PRKCI: variants seen among roughly 807,000 people sequenced by gnomAD.
The protein encoded by PRKCI is protein kinase C iota type.
PRKCI carries 43 observed loss-of-function variants against 84.0 expected under a neutral mutation model. That is an observed-to-expected ratio of 0.51 (90% CI 0.40 to 0.66). PRKCI has a LOEUF of 0.66. PRKCI is among the 30% of genes least tolerant of loss of function. The probability of loss-of-function intolerance (pLI) is 0.00; values close to 1 mark genes in which losing one functional copy is unlikely to be tolerated. For missense variants in PRKCI, 459 were observed against 745.6 expected (o/e 0.62, Z 4.48); for synonymous variants, 216 against 234.4 (o/e 0.92, Z 0.72).
At chr3:170,288,298 C>T (rs1336893490) in intron 12 of PRKCI, among the ~76,000 whole-genome samples, 1 of 151,754 alleles carries the variant, frequency 6.6e-6, no homozygotes, top group Non-Finnish European at 1.5e-5. Flanking sequence ...TTTTGTTACT[C>T]TTACTGGAAA....
At chr3:170,299,781 G>A (rs891786575) in intron 17 of PRKCI, among the ~76,000 whole-genome samples, 1 of 152,158 alleles carries the variant, frequency 6.6e-6, no homozygotes, top group Non-Finnish European at 1.5e-5. Context: ...ACTAAGGCCT[G>A]TGCTCTTTCT....
At chr3:170,268,268 G>A (rs1038996991) in intron 5 of PRKCI, among the ~76,000 whole-genome samples, 22 of 149,442 alleles carry the variant, frequency 1.5e-4, no homozygotes, top group African/African-American at 5.4e-4. Flanking sequence ...ATCAGTTGAG[G>A]CCAGGAGTTC....
At chr3:170,235,084 C>T (rs1732935129) in intron 1 of PRKCI, 146 bp from the exon 2 acceptor site, 8 of 863,074 alleles carry the variant, frequency 9.3e-6, no homozygotes, top group Non-Finnish European at 1.2e-5. Context: ...TTAATTTTTA[C>T]TTGAATGAAA....
intron 11 of PRKCI, 151 bp downstream of exon 11, chr3:170,282,119 A>C (rs1734263063): frequency 1.4e-6 from 1 of 715,900 alleles, no homozygotes; most frequent in Non-Finnish European, 2.2e-6. Flanking sequence ...GTTAATTTAC[A>C]TTATATATAT....
chr3:170,300,184 G>T (rs1734787999), intron 17 of PRKCI, among the ~76,000 whole-genome samples: 1 of 152,092 alleles, frequency 6.6e-6, no homozygotes, highest in South Asian at 2.1e-4. Flanking sequence ...GAAGCCTTCA[G>T]TTCTACTCCT....
At chr3:170,278,298 C>T (rs1734167219) in intron 8 of PRKCI, among the ~76,000 whole-genome samples, 2 of 152,202 alleles carry the variant, frequency 1.3e-5, no homozygotes. Context: ...TTAACCTTCT[C>T]AAACCTGGTT....
rs141965722 is a variant in PRKCI at position 170,270,544 on chromosome 3, C to T, written c.574C>T (p.Arg192Trp). The T allele has an allele frequency of 3.5e-5, 56 of 1,597,164 alleles. No individual in the cohort carries two copies. The highest frequency in any genetic ancestry group is 1.4e-5 in the African/African-American group (1 of 71,796). ...CHKLVTIECG[R>W]HSLPQEPVMP... ...TAAACTCGTCACAATTGAATGTGGG[C>T]GGCATTCTTTGCCACAGGTAAGATG... The change falls in exon 6 of 18, where the codon CGG becomes TGG. Residue 192 changes from arginine to tryptophan, a missense_variant. Physicochemically the swap from Arg to Trp is moderately radical, Grantham distance 101. Transcript: ENST00000295797.
intron 2 of PRKCI, among the ~76,000 whole-genome samples, chr3:170,238,113 A>C (rs1037980210): frequency 6.6e-6 from 1 of 152,170 alleles, no homozygotes; most frequent in Non-Finnish European, 1.5e-5. Context: ...CTATAATCCC[A>C]GCATTTTGGG....
rs540405839 is a variant in PRKCI, at chr3:170,280,686, T to C, written c.882+283T>C. Among the ~76,000 whole-genome samples the C allele has an allele frequency of 2.0e-5, 3 of 152,240 alleles. No individual in the cohort carries two copies. The East Asian group carries it at 5.8e-4, about 29-fold the overall frequency. On this transcript the variant is annotated intron_variant, in intron 9 of 17. Transcript: ENST00000295797. ...CTGCTCTTGAACTCCTGACCTCAAG[T>C]GATCCACCCGCCTCAGCCTCCCAAA...
chr3:170,260,587 G>T (rs2108848743), intron 3 of PRKCI, among the ~76,000 whole-genome samples: 1 of 152,140 alleles, frequency 6.6e-6, no homozygotes, highest in East Asian at 1.9e-4. Context: ...CAAGTAGCTG[G>T]GATTACAGGT....
In PRKCI at chr3:170,273,320, A is replaced by G; in HGVS notation, c.626A>G (p.His209Arg). The part of the protein sequence containing the change: ...PVMPMDQSSM[H>R]SDHAQTVIPY... ...ATGCCCATGGATCAGTCATCCATGC[A>G]TTCTGACCATGCACAGACAGGTAAG... Residue 209 changes from histidine (H) to arginine (R), a missense_variant, in exon 7 of 18, where the codon CAT becomes CGT. Around this residue, in one of 2 missense-constraint regions of PRKCI, gnomAD observed 250 missense variants for 319.7 expected, o/e 0.78. Coordinates refer to ENST00000295797, the MANE Select transcript of PRKCI (RefSeq NM_002740.6). The G allele has an allele frequency of 5.0e-6, 8 of 1,613,860 alleles. No homozygotes were observed. The highest frequency in any genetic ancestry group is 6.8e-6 in the Non-Finnish European group (8 of 1,179,788).
chr3:170,287,242 G>C (rs995040692), intron 12 of PRKCI, among the ~76,000 whole-genome samples: 1 of 151,840 alleles, frequency 6.6e-6, no homozygotes, highest in Non-Finnish European at 1.5e-5. Flanking sequence ...GAGATGGGGG[G>C]ATCACTTGAG....
rs374614339 is a variant in PRKCI at position 170,225,561 on chromosome 3, A to C, written c.101+2791A>C. Among the ~76,000 whole-genome samples, 560 of 149,714 alleles carry C rather than the reference A, an allele frequency of 3.7e-3. 2 individuals carry two copies. Among genetic ancestry groups the C allele is most frequent in the African/African-American group, 0.013 (540 of 40,856 alleles). Reference sequence around the variant, plus strand: ...CATAGCATTTCCTCTATCCCTCTACACTTTTCTTTTCTTTTTTTTTTTTTT... The same window carrying C: ...CATAGCATTTCCTCTATCCCTCTACCCTTTTCTTTTCTTTTTTTTTTTTTT... On this transcript the variant is annotated intron_variant, in intron 1 of 17. Coordinates refer to ENST00000295797, the MANE Select transcript of PRKCI (RefSeq NM_002740.6).
intron 1 of PRKCI, among the ~76,000 whole-genome samples, chr3:170,223,950 G>A (rs2108831872): frequency 6.6e-6 from 1 of 151,652 alleles, no homozygotes; most frequent in African/African-American, 2.4e-5. Flanking sequence ...AAGTTTTAGG[G>A]TACATGTGCA....
chr3:170,272,637 C>T (rs778413198), intron 6 of PRKCI, among the ~76,000 whole-genome samples: 4 of 152,178 alleles, frequency 2.6e-5, no homozygotes, highest in Admixed American at 6.5e-5. Context: ...CTTTCTTTAA[C>T]GCAGCCTTGA....
intron 2 of PRKCI, among the ~76,000 whole-genome samples, chr3:170,252,507 T>C (rs1485409047): frequency 3.9e-5 from 6 of 152,192 alleles, no homozygotes; most frequent in Admixed American, 3.9e-4. Context: ...TTATACTCTT[T>C]TAGTTATTTT....
At chr3:170,265,332 C>T (rs911276619) in intron 4 of PRKCI, among the ~76,000 whole-genome samples, 12 of 152,132 alleles carry the variant, frequency 7.9e-5, no homozygotes, top group African/African-American at 2.9e-4. Flanking sequence ...AAAAGCTTCC[C>T]CAGGTCAGGA....
chr3:170,240,392 C>G (rs1733098639), intron 2 of PRKCI, among the ~76,000 whole-genome samples: 1 of 151,966 alleles, frequency 6.6e-6, no homozygotes, highest in East Asian at 1.9e-4. Flanking sequence ...CTTCTTTCTC[C>G]CTAAGTAGCT....
In PRKCI at chr3:170,262,278, C is replaced by G. The variant is rs137920566; in HGVS notation, c.314-1101C>G. On this transcript the variant is annotated intron_variant, in intron 3 of 17. Transcript: ENST00000295797. ...AAGTTTAGTATACATCTTTTAAAAA[C>G]CAATATTTTATGTTCCATATTTGTA... Among the ~76,000 whole-genome samples, 78 of 152,212 alleles carry G rather than the reference C, an allele frequency of 5.1e-4. 1 individual carries two copies. Among genetic ancestry groups the G allele is most frequent in the Middle Eastern group, 3.4e-3 (1 of 294 alleles).
Sources: gnomAD v4.1 joint callset for allele counts (sites outside exome capture counted in the v4.1 genomes callset) on GRCh38, gnomAD v4.1.1 for gene constraint, gnomAD v4.1.1 regional missense constraint, MANE v1.5 for transcripts, NCBI Gene and HGNC (gene_info 2026-07-23, HGNC 2026-07-21) for gene names.